MARK1: variants seen among roughly 807,000 people sequenced by gnomAD.
MARK1 encodes the protein serine/threonine-protein kinase MARK1.
A neutral mutation model predicts 96.3 loss-of-function variants in MARK1; 40 were observed. That is an observed-to-expected ratio of 0.42 (90% confidence interval 0.32 to 0.54). MARK1 has a LOEUF of 0.54. MARK1 is among the 20% of genes least tolerant of loss of function. MARK1 has a pLI of 0.16. For missense variants in MARK1, 719 were observed against 984.6 expected (o/e 0.73, Z 3.61); for synonymous variants, 317 against 341.2 (o/e 0.93, Z 0.78).
intron 1 of MARK1, among the ~76,000 whole-genome samples, chr1:220,559,892 TAGAA>T (rs2102771854): frequency 7.7e-5 from 1 of 13,058 alleles, no homozygotes; most frequent in African/African-American, 8.8e-5. Flanking sequence ...GAGTGTACAG[TAGAA>T]CATACTTGGG....
intron 1 of MARK1, among the ~76,000 whole-genome samples, chr1:220,540,399 T>C (rs1661052577): frequency 6.6e-6 from 1 of 152,234 alleles, no homozygotes; most frequent in Non-Finnish European, 1.5e-5. Flanking sequence ...CTCAATGGAT[T>C]GAATGATGCT....
At chr1:220,645,689 C>T (rs979139318) in intron 13 of MARK1, among the ~76,000 whole-genome samples, 2 of 152,148 alleles carry the variant, frequency 1.3e-5, no homozygotes, top group African/African-American at 4.8e-5. Context: ...AGCAGCACAT[C>T]AAAAAGCTTA....
intron 13 of MARK1, among the ~76,000 whole-genome samples, chr1:220,637,865 G>A (rs1209390600): frequency 6.6e-6 from 1 of 151,284 alleles, no homozygotes; most frequent in Non-Finnish European, 1.5e-5. Flanking sequence ...GCAAATGCAA[G>A]ATAAGATACC....
chr1:220,531,550 C>A (rs1286100197), intron 1 of MARK1, among the ~76,000 whole-genome samples: 1 of 151,906 alleles, frequency 6.6e-6, no homozygotes, highest in Non-Finnish European at 1.5e-5. Flanking sequence ...TAATATCTAC[C>A]CTTCTCAGTG....
At chr1:220,583,854 G>C (rs1664417206) in intron 3 of MARK1, among the ~76,000 whole-genome samples, 1 of 129,048 alleles carries the variant, frequency 7.7e-6, no homozygotes, top group Non-Finnish European at 1.6e-5. Context: ...TTTTAGTAGA[G>C]ACGAGGATTC....
At chr1:220,573,854 A>AT (rs947712982) in intron 1 of MARK1, among the ~76,000 whole-genome samples, 64 of 151,966 alleles carry the variant, frequency 4.2e-4, no homozygotes, top group Middle Eastern at 3.4e-3. Flanking sequence ...TGTAGTATAT[A>AT]TGTAGTATAT....
intron 7 of MARK1, 25 bp downstream of exon 7, chr1:220,616,020 T>TA (rs375356667): frequency 1.4e-4 from 116 of 857,274 alleles, no homozygotes; most frequent in African/African-American, 1.3e-3. Context: ...GTAATTTTTT[T>TA]AAAAAAAAAA....
intron 11 of MARK1, among the ~76,000 whole-genome samples, chr1:220,634,631 T>C (rs1667847701): frequency 6.6e-6 from 1 of 152,216 alleles, no homozygotes; most frequent in Non-Finnish European, 1.5e-5. Context: ...CTGTTTATTA[T>C]CATCGGTATT....
Position 220,528,597 on chromosome 1 carries a change from C to G in MARK1, c.-226C>G. On this transcript the variant is annotated 5_prime_UTR_variant, in exon 1 of 18. Transcript: ENST00000366917. ...CCCGAAGCCCTCCCTCGTTACTGTC[C>G]GCATACCCCGGCGGCGCCGCCGCGG... 2 of 490,326 alleles carry G rather than the reference C, an allele frequency of 4.1e-6. No homozygotes were observed. The highest frequency in any genetic ancestry group is 6.0e-5 in the South Asian group (2 of 33,082). The allele number at this position is 490,326 out of a possible 1,614,324, so 30.4% of individuals were successfully genotyped here.
chr1:220,538,460 A>G (rs1572041678), intron 1 of MARK1, among the ~76,000 whole-genome samples: 1 of 152,228 alleles, frequency 6.6e-6, no homozygotes, highest in Non-Finnish European at 1.5e-5. Flanking sequence ...TACCAGTACC[A>G]TGCTGTTTTG....
In MARK1 at chr1:220,615,790, G is replaced by A. The variant is rs890606065; in HGVS notation, c.496-149G>A. On this transcript the variant is annotated intron_variant, in intron 6 of 17. Transcript: ENST00000366917. ...ACAGTGAAAGTTTCATCACTTTAAT[G>A]TGTATAGTTTTCTGAACTAAAAGCA... 8 of 500,276 alleles carry A rather than the reference G, an allele frequency of 1.6e-5. No homozygotes were observed. In the East Asian group the frequency reaches 1.8e-4, roughly 11 times the overall value. The allele number at this position is 500,276 out of a possible 1,614,324, so 31.0% of individuals were successfully genotyped here.
chr1:220,528,426 A>C lies in MARK1; in HGVS notation c.-397A>C. ...TCCTGACGCCCAGGCGCTCGCCAGGACGAGCCAGGCAGTGATTTGAGGCAC... is the reference window on the plus strand; with the variant it reads ...TCCTGACGCCCAGGCGCTCGCCAGGCCGAGCCAGGCAGTGATTTGAGGCAC... On this transcript the variant is annotated 5_prime_UTR_variant, in exon 1 of 18. Coordinates refer to ENST00000366917, the MANE Select transcript of MARK1 (RefSeq NM_018650.5). The C allele has an allele frequency of 5.4e-6, 1 of 186,348 alleles. No individual in the cohort carries two copies. The highest frequency in any genetic ancestry group is 2.3e-5 in the African/African-American group (1 of 42,762). The allele number at this position is 186,348 out of a possible 1,614,324, so 11.5% of individuals were successfully genotyped here. A position where few individuals can be genotyped will look rare whatever the true frequency, so the allele number is the denominator to read the frequency against.
intron 16 of MARK1, among the ~76,000 whole-genome samples, chr1:220,653,888 A>G (rs918941776): frequency 6.6e-6 from 1 of 152,324 alleles, no homozygotes; most frequent in Non-Finnish European, 1.5e-5. Context: ...AAACAATACA[A>G]TTATACTTTC....
At position 220,662,991 on chromosome 1, in the gene MARK1, T is replaced by C. The variant is rs985898190; in HGVS notation, c.*825T>C. On this transcript the variant is annotated 3_prime_UTR_variant, in exon 18 of 18. Coordinates refer to ENST00000366917, the MANE Select transcript of MARK1 (RefSeq NM_018650.5). ...TTTATCTGGCTATTATAACATAAACTGTCACGTAGGTTTGCTGCCTTCAGA... is the reference window on the plus strand; with the variant it reads ...TTTATCTGGCTATTATAACATAAACCGTCACGTAGGTTTGCTGCCTTCAGA... 9.2e-5 allele frequency: 14 copies of C among 152,656 alleles called. No homozygotes were observed. Among genetic ancestry groups the C allele is most frequent in the African/African-American group, 3.1e-4 (13 of 41,468 alleles). 9.5% of individuals were successfully genotyped at this position (152,656 alleles called of 1,614,324 possible). A position where few individuals can be genotyped will look rare whatever the true frequency, so the allele number is the denominator to read the frequency against.
chr1:220,566,705 T>C (rs1300392253), intron 1 of MARK1, among the ~76,000 whole-genome samples: 1 of 152,192 alleles, frequency 6.6e-6, no homozygotes, highest in Middle Eastern at 3.2e-3. Flanking sequence ...TAGTTAGCCT[T>C]TGGTGAACAA....
chr1:220,540,530 C>T (rs927378234), intron 1 of MARK1, among the ~76,000 whole-genome samples: 3 of 152,310 alleles, frequency 2.0e-5, no homozygotes, highest in Middle Eastern at 3.4e-3. Flanking sequence ...GAGCATTCCT[C>T]AGCCCAGTCA....
chr1:220,535,252 T>A (rs553028449), intron 1 of MARK1, among the ~76,000 whole-genome samples: 1 of 152,276 alleles, frequency 6.6e-6, no homozygotes, highest in Admixed American at 6.5e-5. Context: ...TTATGGTTTT[T>A]AAAATTATAG....
intron 3 of MARK1, among the ~76,000 whole-genome samples, chr1:220,582,045 G>A (rs1664280847): frequency 6.6e-6 from 1 of 152,112 alleles, no homozygotes; most frequent in Non-Finnish European, 1.5e-5. Context: ...ATAAGAAATT[G>A]TTAGTATGTG....
In MARK1 at chr1:220,537,789, T is replaced by C. The variant is rs533821882; in HGVS notation, c.51+8916T>C. Among the ~76,000 whole-genome samples the C allele has an allele frequency of 3.7e-3, 555 of 152,026 alleles. 5 individuals carry two copies. The highest frequency in any genetic ancestry group is 0.013 in the African/African-American group (524 of 41,456). ...TTAATGATTGCCATTCTAACTGGTGTGAGATGGTATCTCACTGTGGTTTTG... is the reference window on the plus strand; with the variant it reads ...TTAATGATTGCCATTCTAACTGGTGCGAGATGGTATCTCACTGTGGTTTTG... On this transcript the variant is annotated intron_variant, in intron 1 of 17. Coordinates refer to ENST00000366917, the MANE Select transcript of MARK1 (RefSeq NM_018650.5).
Sources: gnomAD v4.1 joint callset for allele counts (sites outside exome capture counted in the v4.1 genomes callset) on GRCh38, gnomAD v4.1.1 for gene constraint, MANE v1.5 for transcripts, NCBI Gene and HGNC (gene_info 2026-07-23, HGNC 2026-07-21) for gene names.